Variants in CDH18 observed in about 807,000 individuals in gnomAD.
The protein encoded by CDH18 is cadherin 18, also known as cadherin-18.
Under a neutral mutation model 67.9 loss-of-function variants are expected in CDH18, and 31 were observed. That is an observed-to-expected ratio of 0.46 (90% confidence interval 0.34 to 0.62). The LOEUF is 0.62. CDH18 is among the 20% of genes least tolerant of loss of function. The pLI is 0.01. For synonymous variants in CDH18, 362 were observed against 347.2 expected, an observed-to-expected ratio of 1.04 and a Z score of -0.48; for missense variants, 890 against 975.5, an observed-to-expected ratio of 0.91 and a Z score of 1.17.
chr5:19,700,968 GA>G (rs201649613), intron 5 of CDH18, among the ~76,000 whole-genome samples: 42 of 147,770 alleles, frequency 2.8e-4, no homozygotes, highest in South Asian at 2.1e-3. Flanking sequence ...GAGAAAAAAA[GA>G]AAAAAAAATG....
At chr5:19,798,525 T>C (rs933715621) in intron 3 of CDH18, among the ~76,000 whole-genome samples, 2 of 152,084 alleles carry the variant, frequency 1.3e-5, no homozygotes, top group Admixed American at 6.6e-5. Flanking sequence ...GTGTGGGGTA[T>C]GAATGAAATG....
chr5:20,231,998 ACACT>A (rs1486169118), intron 2 of CDH18, among the ~76,000 whole-genome samples: 1 of 151,398 alleles, frequency 6.6e-6, no homozygotes, highest in East Asian at 1.9e-4. Flanking sequence ...AATAAAATAA[ACACT>A]CAAACTCTTC....
chr5:20,529,288 C>G (rs185377198), intron 1 of CDH18, among the ~76,000 whole-genome samples: 1 of 151,300 alleles, frequency 6.6e-6, no homozygotes, highest in Non-Finnish European at 1.5e-5. Flanking sequence ...AAGCCCAGAA[C>G]CAGATGGATT....
intron 2 of CDH18, among the ~76,000 whole-genome samples, chr5:20,224,669 G>A (rs1171218641): frequency 6.6e-6 from 1 of 151,844 alleles, no homozygotes; most frequent in Non-Finnish European, 1.5e-5. Flanking sequence ...ATAATTAAAT[G>A]CATTCTTTTA....
chr5:19,810,800 A>G (rs1778553815), intron 3 of CDH18, among the ~76,000 whole-genome samples: 1 of 151,954 alleles, frequency 6.6e-6, no homozygotes, highest in Non-Finnish European at 1.5e-5. Context: ...AGGCTGTTGG[A>G]TCACTTGAGG....
intron 3 of CDH18, among the ~76,000 whole-genome samples, chr5:19,760,281 C>T (rs1474896238): frequency 6.6e-6 from 1 of 152,082 alleles, no homozygotes; most frequent in Admixed American, 6.6e-5. Context: ...GCAGGTGCTG[C>T]CGTCAAAAAT....
At chr5:20,413,196 T>C (rs1409030281) in intron 1 of CDH18, among the ~76,000 whole-genome samples, 4 of 152,254 alleles carry the variant, frequency 2.6e-5, no homozygotes, top group African/African-American at 9.6e-5. Context: ...CACATTTTCT[T>C]AATCCAGTCT....
At chr5:20,121,093 A>T (rs1748316770) in intron 2 of CDH18, among the ~76,000 whole-genome samples, 2 of 152,190 alleles carry the variant, frequency 1.3e-5, no homozygotes, top group Admixed American at 1.3e-4. Flanking sequence ...TGTAGTCTAA[A>T]GAGTGAAGTC....
At chr5:19,944,919 A>G (rs1396537456) in intron 2 of CDH18, among the ~76,000 whole-genome samples, 1 of 152,110 alleles carries the variant, frequency 6.6e-6, no homozygotes, top group Non-Finnish European at 1.5e-5. Context: ...ATTACATTTG[A>G]ATTGGGCACC....
At chr5:20,142,383 C>G (rs1488952404) in intron 2 of CDH18, among the ~76,000 whole-genome samples, 1 of 151,698 alleles carries the variant, frequency 6.6e-6, no homozygotes, top group African/African-American at 2.4e-5. Flanking sequence ...AATTCTAGAC[C>G]CACCTGGCCA....
At chr5:20,491,195 TTTATTATTA>T (rs56678208) in intron 1 of CDH18, among the ~76,000 whole-genome samples, 267 of 149,902 alleles carry the variant, frequency 1.8e-3, no homozygotes, top group Non-Finnish European at 3.0e-3. Context: ...TAGTATTTGG[TTTATTATTA>T]TTATTATTAT....
At chr5:19,563,354 CAG>C in intron 8 of CDH18, among the ~76,000 whole-genome samples, 1 of 152,238 alleles carries the variant, frequency 6.6e-6, no homozygotes, top group South Asian at 2.1e-4. Flanking sequence ...ATCAATAATA[CAG>C]ACAGTTTCAG....
intron 2 of CDH18, among the ~76,000 whole-genome samples, chr5:20,196,443 G>A (rs1327311316): frequency 6.6e-6 from 1 of 152,042 alleles, no homozygotes; most frequent in Non-Finnish European, 1.5e-5. Flanking sequence ...TTAAATGCAG[G>A]CAGTCTAATT....
chr5:20,543,604 G>T (rs945744794), intron 1 of CDH18, among the ~76,000 whole-genome samples: 3 of 152,108 alleles, frequency 2.0e-5, no homozygotes, highest in South Asian at 2.1e-4. Context: ...GTATAAAGCT[G>T]CCTGGAGATG....
intron 10 of CDH18, 100 bp from the exon 11 acceptor site, chr5:19,503,209 T>C (rs1191272271): frequency 3.1e-6 from 2 of 635,168 alleles, no homozygotes; most frequent in African/African-American, 1.9e-5. Flanking sequence ...TTTTAAAGGA[T>C]CTTTTCTTCC....
chr5:20,515,345 T>C (rs947997929), intron 1 of CDH18, among the ~76,000 whole-genome samples: 3 of 150,060 alleles, frequency 2.0e-5, no homozygotes, highest in Non-Finnish European at 3.0e-5. Flanking sequence ...AGAAGAGTCA[T>C]GGCAACTTTT....
At chr5:20,317,221 G>A (rs544341381) in intron 1 of CDH18, among the ~76,000 whole-genome samples, 68 of 152,072 alleles carry the variant, frequency 4.5e-4, no homozygotes, top group African/African-American at 1.6e-3. Context: ...TTCAGCAAAT[G>A]TCAGAGCAGA....
Position 20,305,015 on chromosome 5 carries a change from C to A in CDH18, c.-579-49510G>T, listed in dbSNP as rs1736296050. 3 of 1,613,134 alleles carry A rather than the reference C, an allele frequency of 1.9e-6. No homozygotes were observed. The Admixed American group carries it at 5.0e-5, about 27-fold the overall frequency. ...TTTCTGACACAAGCTTTACTGGAAG[C>A]AAGGCCAGAGGAGGAGGGCTGCTGA... On this transcript the variant is annotated intron_variant, in intron 1 of 14. Coordinates refer to the CDH18 transcript ENST00000507958.
chr5:19,792,849 C>T (rs1776503810), intron 3 of CDH18, among the ~76,000 whole-genome samples: 1 of 152,114 alleles, frequency 6.6e-6, no homozygotes, highest in Admixed American at 6.6e-5. Flanking sequence ...GATAAACTAG[C>T]TATGGTAGAA....
Sources: allele counts gnomAD v4.1 joint callset (sites outside exome capture counted in the v4.1 genomes callset), GRCh38; gene constraint gnomAD v4.1.1; transcripts MANE v1.5; gene names NCBI Gene and HGNC (gene_info 2026-07-23, HGNC 2026-07-21).